Variants in THSD4 observed in about 807,000 individuals in gnomAD.
The protein encoded by THSD4 is thrombospondin type-1 domain-containing protein 4.
In THSD4, 69 loss-of-function variants were observed where a neutral mutation model predicts 119.0. That is an observed-to-expected ratio of 0.58 (90% CI 0.48 to 0.71). The LOEUF (loss-of-function observed/expected upper bound fraction) is 0.71. Ranked by LOEUF, THSD4 falls within the 30% of genes least tolerant of loss-of-function variation. THSD4 has a pLI of 0.00. For missense variants in THSD4, 1,393 were observed against 1,391.1 expected, an observed-to-expected ratio of 1.00 and a Z score of -0.02; for synonymous variants, 524 against 540.4, an observed-to-expected ratio of 0.97 and a Z score of 0.42.
chr15:71,125,219 C>T (rs1182969762), intron 1 of THSD4, among the ~76,000 whole-genome samples: 1 of 152,208 alleles, frequency 6.6e-6, no homozygotes, highest in Non-Finnish European at 1.5e-5. Flanking sequence ...TGTGTACTCT[C>T]CTGGAGTCCA....
At chr15:71,175,965 C>A in intron 3 of THSD4, among the ~76,000 whole-genome samples, 2 of 57,934 alleles carry the variant, frequency 3.5e-5, no homozygotes, top group Non-Finnish European at 6.8e-5. Flanking sequence ...CCAGGCCTGC[C>A]CTAAAAGAGC....
At chr15:71,309,455 C>T (rs538208235) in intron 6 of THSD4, among the ~76,000 whole-genome samples, 7 of 152,328 alleles carry the variant, frequency 4.6e-5, no homozygotes, top group African/African-American at 1.7e-4. Flanking sequence ...GTTGTCTCTT[C>T]ACTTTCTTAA....
At chr15:71,442,088 AG>A (rs1295643369) in intron 7 of THSD4, among the ~76,000 whole-genome samples, 3 of 152,042 alleles carry the variant, frequency 2.0e-5, no homozygotes, top group Non-Finnish European at 4.4e-5. Flanking sequence ...CCTCCTGAGT[AG>A]TGGGGACTAC....
At chr15:71,488,584 G>A (rs989380288) in intron 7 of THSD4, among the ~76,000 whole-genome samples, 5 of 151,760 alleles carry the variant, frequency 3.3e-5, no homozygotes, top group African/African-American at 1.2e-4. Flanking sequence ...TTCCTTCCAT[G>A]GAGATTAGCC....
At chr15:71,632,407 C>G (rs1404571062) in intron 7 of THSD4, among the ~76,000 whole-genome samples, 1 of 152,326 alleles carries the variant, frequency 6.6e-6, no homozygotes, top group South Asian at 2.1e-4. Context: ...GGTCATGTAA[C>G]TCTTGATTCA....
Position 71,254,997 on chromosome 15 carries a change from A to G in THSD4, c.913-1616A>G, listed in dbSNP as rs991646134. On this transcript the variant is annotated intron_variant, in intron 5 of 17. Transcript: ENST00000261862. ...GGCATTTGTACCAGCAGCCTCCCCA[A>G]CTGCGACTGTCCTTAATCAAGCAGG... 2.6e-5 allele frequency among the ~76,000 whole-genome samples: 4 copies of G among 152,152 alleles called. No homozygotes were observed. The South Asian group carries it at 6.2e-4, about 24-fold the overall frequency.
intron 6 of THSD4, among the ~76,000 whole-genome samples, chr15:71,288,600 A>G (rs1432800363): frequency 6.6e-6 from 1 of 152,232 alleles, no homozygotes; most frequent in Non-Finnish European, 1.5e-5. Flanking sequence ...TTTCTGGGAC[A>G]TAGAATGGGA....
intron 8 of THSD4, among the ~76,000 whole-genome samples, chr15:71,690,730 G>A (rs756090643): frequency 6.6e-6 from 1 of 152,146 alleles, no homozygotes; most frequent in Non-Finnish European, 1.5e-5. Flanking sequence ...ATCTTACATG[G>A]ATGGCAGCAG....
chr15:71,605,402 G>T (rs1382825392), intron 7 of THSD4, among the ~76,000 whole-genome samples: 1 of 152,236 alleles, frequency 6.6e-6, no homozygotes, highest in Non-Finnish European at 1.5e-5. Context: ...CCCCTGAGGG[G>T]TTTCACCCAG....
At chr15:71,446,058 A>G (rs2047176440) in intron 7 of THSD4, among the ~76,000 whole-genome samples, 1 of 152,202 alleles carries the variant, frequency 6.6e-6, no homozygotes, top group African/African-American at 2.4e-5. Context: ...ATAACTTTGG[A>G]TACTTTCTTC....
upstream of THSD4, chr15:71,110,736 G>C: frequency 5.4e-6 from 1 of 185,748 alleles, no homozygotes; most frequent in Admixed American, 5.3e-5. Flanking sequence ...CCTTCCTCAG[G>C]GTCTTTGCAA....
At chr15:71,549,406 A>G (rs111243221) in intron 7 of THSD4, among the ~76,000 whole-genome samples, 62 of 152,232 alleles carry the variant, frequency 4.1e-4, no homozygotes, top group African/African-American at 1.5e-3. Context: ...TGTTGGCTCC[A>G]GAACGCCTGA....
chr15:71,756,460 C>T (rs2053540214), intron 14 of THSD4, among the ~76,000 whole-genome samples: 2 of 152,134 alleles, frequency 1.3e-5, no homozygotes, highest in African/African-American at 2.4e-5. Context: ...ATCTGTAGGA[C>T]ACCCAGATAA....
At chr15:71,299,960 C>CAA (rs141320911) in intron 6 of THSD4, among the ~76,000 whole-genome samples, 2 of 109,042 alleles carry the variant, frequency 1.8e-5, no homozygotes, top group African/African-American at 7.9e-5. Context: ...CTGTCTCTAC[C>CAA]AAAAAAAAAA....
At chr15:71,500,256 C>G (rs940418466) in intron 7 of THSD4, among the ~76,000 whole-genome samples, 6 of 152,088 alleles carry the variant, frequency 3.9e-5, no homozygotes, top group Non-Finnish European at 5.9e-5. Flanking sequence ...TTTTCATGCA[C>G]CTATTGGCCA....
rs11446418 is a variant in THSD4 at position 71,727,769 on chromosome 15, C to CAAA, written c.1358-772_1358-770dup. ...TGGGCGATGGAGCAAGACCCTGTCTCAAAAAAAAAAGGGGAGGGCTGGGAG... is the reference window on the plus strand; with the variant it reads ...TGGGCGATGGAGCAAGACCCTGTCTCAAAAAAAAAAAAAGGGGAGGGCTGGGAG... On this transcript the variant is annotated intron_variant, in intron 8 of 17. Coordinates refer to ENST00000261862, the MANE Select transcript of THSD4 (RefSeq NM_024817.3). Among the ~76,000 whole-genome samples the CAAA allele has an allele frequency of 6.9e-4, 87 of 126,194 alleles. 2 individuals are homozygous for CAAA. Among genetic ancestry groups the CAAA allele is most frequent in the Middle Eastern group, 7.5e-3 (2 of 266 alleles). 82.8% of individuals were successfully genotyped at this position (126,194 alleles called of 152,430 possible). A position where few individuals can be genotyped will look rare whatever the true frequency, so the allele number is the denominator to read the frequency against.
At chr15:71,471,167 C>T (rs1426508000) in intron 7 of THSD4, among the ~76,000 whole-genome samples, 1 of 152,116 alleles carries the variant, frequency 6.6e-6, no homozygotes, top group Non-Finnish European at 1.5e-5. Context: ...CCATCCAGTC[C>T]CAGGCTACCC....
Position 71,520,648 on chromosome 15 carries a change from G to C in THSD4, c.1152+108825G>C, listed in dbSNP as rs4503746. ...ATCATTCATTAAGCACTTACAATGT[G>C]TCAGGTTCTATGCTGAGCACTTGAC... On this transcript the variant is annotated intron_variant, in intron 7 of 17. Transcript: ENST00000261862. Among the ~76,000 whole-genome samples, 38 of 152,312 alleles carry C rather than the reference G, an allele frequency of 2.5e-4. No individual in the cohort carries two copies. The East Asian group carries it at 6.9e-3, about 28-fold the overall frequency.
chr15:71,667,917 A>G (rs936017440), intron 8 of THSD4, among the ~76,000 whole-genome samples: 1 of 152,212 alleles, frequency 6.6e-6, no homozygotes, highest in African/African-American at 2.4e-5. Context: ...TTCTGTAAGT[A>G]CCAATAAATA....
Sources: gnomAD v4.1 joint callset for allele counts (sites outside exome capture counted in the v4.1 genomes callset) on GRCh38, gnomAD v4.1.1 for gene constraint, MANE v1.5 for transcripts, NCBI Gene and HGNC (gene_info 2026-07-23, HGNC 2026-07-21) for gene names.